The following CHCHD3 variants were observed in gnomAD, a reference collection of about 807,000 sequenced individuals.
CHCHD3 encodes the protein coiled-coil-helix-coiled-coil-helix domain containing 3, also known as MICOS complex subunit MIC19.
In CHCHD3, 20 loss-of-function variants were observed where a neutral mutation model predicts 38.2. That is an observed-to-expected ratio of 0.52 (90% CI 0.37 to 0.76). CHCHD3 has a LOEUF of 0.76. CHCHD3 is among the 30% of genes least tolerant of loss of function. CHCHD3 has a pLI of 0.00. For missense variants in CHCHD3, 245 were observed against 279.2 expected, an observed-to-expected ratio of 0.88 and a Z score of 0.87; for synonymous variants, 82 against 100.0, an observed-to-expected ratio of 0.82 and a Z score of 1.07.
intron 4 of CHCHD3, among the ~76,000 whole-genome samples, chr7:132,966,788 G>T (rs1811475106): frequency 6.6e-6 from 1 of 152,178 alleles, no homozygotes; most frequent in African/African-American, 2.4e-5. Context: ...ATGTACTTGG[G>T]ATTGTTAAGG....
chr7:132,800,872 T>A (rs1455183486), intron 6 of CHCHD3, among the ~76,000 whole-genome samples: 1 of 152,076 alleles, frequency 6.6e-6, no homozygotes, highest in Admixed American at 6.6e-5. Flanking sequence ...ATTTTTTTTT[T>A]AACAGGTTCT....
At chr7:132,945,532 T>C (rs1483974430) in intron 4 of CHCHD3, among the ~76,000 whole-genome samples, 1 of 151,856 alleles carries the variant, frequency 6.6e-6, no homozygotes. Context: ...CTCAAACTTC[T>C]TTACAAGTGA....
chr7:132,998,543 T>A (rs1812485584), intron 3 of CHCHD3, among the ~76,000 whole-genome samples: 1 of 152,162 alleles, frequency 6.6e-6, no homozygotes, highest in Admixed American at 6.5e-5. Flanking sequence ...AATTTTAGAA[T>A]TACTAGAAGC....
chr7:133,010,535 T>A (rs1292163954), intron 3 of CHCHD3, among the ~76,000 whole-genome samples: 1 of 152,170 alleles, frequency 6.6e-6, no homozygotes, highest in African/African-American at 2.4e-5. Flanking sequence ...ATAAAATCCC[T>A]TTTTGGTACC....
chr7:132,952,585 A>G (rs1216229988), intron 4 of CHCHD3, among the ~76,000 whole-genome samples: 2 of 152,258 alleles, frequency 1.3e-5, no homozygotes, highest in Non-Finnish European at 2.9e-5. Context: ...AAAGTACTCA[A>G]GCCAGTCTTG....
chr7:132,963,694 TAC>T (rs71178068), intron 4 of CHCHD3, among the ~76,000 whole-genome samples: 3 of 148,782 alleles, frequency 2.0e-5, no homozygotes, highest in Admixed American at 6.7e-5. Context: ...CAAACGATTA[TAC>T]ACACACACAC....
chr7:132,861,279 T>C (rs1398039075), intron 5 of CHCHD3, among the ~76,000 whole-genome samples: 13 of 152,170 alleles, frequency 8.5e-5, no homozygotes, highest in Admixed American at 8.5e-4. Context: ...CCGCTACCTC[T>C]GCTATTCTTT....
rs192933246 is a variant in CHCHD3 at position 132,870,506 on chromosome 7, C to G, written c.453+15156G>C. On this transcript the variant is annotated intron_variant, in intron 5 of 7. Coordinates refer to ENST00000262570, the MANE Select transcript of CHCHD3 (RefSeq NM_017812.4). ...ACCTCCTAGAGACTGGTGCTGATAA[C>G]TGATATTTATCCTAATTTAGTATGT... Among the ~76,000 whole-genome samples the G allele has an allele frequency of 5.9e-5, 9 of 152,250 alleles. No individual in the cohort carries two copies. In the East Asian group the frequency reaches 1.7e-3, roughly 29 times the overall value.
At chr7:132,919,656 C>T (rs547127925) in intron 4 of CHCHD3, among the ~76,000 whole-genome samples, 48 of 152,290 alleles carry the variant, frequency 3.2e-4, no homozygotes, top group African/African-American at 1.1e-3. Context: ...TTTAGTCACA[C>T]GCCTCTATAA....
chr7:132,870,291 G>A (rs551957953), intron 5 of CHCHD3, among the ~76,000 whole-genome samples: 9 of 150,616 alleles, frequency 6.0e-5, no homozygotes, highest in African/African-American at 1.7e-4. Context: ...CAGAGGTTGC[G>A]GTGAACAGAG....
intron 3 of CHCHD3, among the ~76,000 whole-genome samples, chr7:133,012,017 TG>T (rs1812889589): frequency 6.6e-6 from 1 of 152,146 alleles, no homozygotes; most frequent in Non-Finnish European, 1.5e-5. Context: ...CTCAGAAAGT[TG>T]ATAAGGGTTA....
chr7:133,034,551 T>C, intron 2 of CHCHD3: 2 of 695,050 alleles, frequency 2.9e-6, no homozygotes, highest in Non-Finnish European at 4.6e-6. Flanking sequence ...TTTCCTTTAA[T>C]GACCCCCATC....
At chr7:132,809,436 T>TCATCTACACGAATTCTAGTGA (rs1807010601) in intron 6 of CHCHD3, among the ~76,000 whole-genome samples, 2 of 152,096 alleles carry the variant, frequency 1.3e-5, no homozygotes, top group South Asian at 4.2e-4. Flanking sequence ...CTTTTTGTGT[T>TCATCTACACGAATTCTAGTGA]CATCTACACG....
At chr7:132,874,035 C>T (rs899400157) in intron 5 of CHCHD3, among the ~76,000 whole-genome samples, 1 of 152,152 alleles carries the variant, frequency 6.6e-6, no homozygotes, top group Admixed American at 6.6e-5. Context: ...GAAGATGCAT[C>T]TCTAGGCTAC....
Position 132,916,978 on chromosome 7 carries a change from T to C in CHCHD3, c.370-31233A>G, listed in dbSNP as rs970657831. 5.3e-5 allele frequency among the ~76,000 whole-genome samples: 8 copies of C among 152,304 alleles called. No homozygotes were observed. The East Asian group carries it at 7.7e-4, about 15-fold the overall frequency. On this transcript the variant is annotated intron_variant, in intron 4 of 7. Transcript: ENST00000262570. ...TTTGGTACCATCTGCATTTCAGGCA[T>C]CCACAGGGGGGTCTTGGAAGGAATC...
intron 3 of CHCHD3, among the ~76,000 whole-genome samples, chr7:132,983,413 A>G (rs1044494631): frequency 1.3e-5 from 2 of 152,210 alleles, no homozygotes; most frequent in Admixed American, 6.5e-5. Context: ...AACAGAGGTA[A>G]AGATGCAGTA....
chr7:132,897,640 T>C lies in CHCHD3; in HGVS notation c.370-11895A>G, dbSNP rs149121702. Among the ~76,000 whole-genome samples the C allele has an allele frequency of 5.7e-3, 871 of 152,298 alleles. 8 individuals carry two copies. The highest frequency in any genetic ancestry group is 0.02 in the African/African-American group (833 of 41,536). ...TATTTCTTCTCATGCTGGCTTGAAG[T>C]TAAGAGAAGAAAATGTAAAAAATTA... is the stretch of plus-strand genomic sequence containing the variant. On this transcript the variant is annotated intron_variant, in intron 4 of 7. Coordinates refer to ENST00000262570, the MANE Select transcript of CHCHD3 (RefSeq NM_017812.4).
At chr7:132,964,853 C>T (rs1194410863) in intron 4 of CHCHD3, among the ~76,000 whole-genome samples, 1 of 152,142 alleles carries the variant, frequency 6.6e-6, no homozygotes, top group African/African-American at 2.4e-5. Flanking sequence ...GTTTGACATG[C>T]CAGAACTTTT....
At chr7:132,846,158 C>A (rs1222880112) in intron 5 of CHCHD3, among the ~76,000 whole-genome samples, 2 of 152,168 alleles carry the variant, frequency 1.3e-5, no homozygotes, top group Non-Finnish European at 2.9e-5. Flanking sequence ...GTTTACTTCC[C>A]CATCCCTTCA....
Sources: gnomAD v4.1 joint callset for allele counts (sites outside exome capture counted in the v4.1 genomes callset) on GRCh38, gnomAD v4.1.1 for gene constraint, MANE v1.5 for transcripts, NCBI Gene and HGNC (gene_info 2026-07-23, HGNC 2026-07-21) for gene names.